The following ITGB3 variants were observed in gnomAD, a reference collection of about 807,000 sequenced individuals.
ITGB3 encodes integrin beta-3.
In ITGB3, 48 loss-of-function variants were observed where a neutral mutation model predicts 85.8. That is an observed-to-expected ratio of 0.56 (90% confidence interval 0.44 to 0.71). The LOEUF (loss-of-function observed/expected upper bound fraction) is 0.71, where lower values mean the gene tolerates loss of function less well. Among genes scored for constraint, ITGB3 ranks in the 30% least tolerant of loss-of-function variants. ITGB3 has a pLI of 0.00. For missense variants in ITGB3, 861 were observed against 1,019.1 expected (o/e 0.84, Z 2.11); for synonymous variants, 363 against 395.6 (o/e 0.92, Z 0.98).
In ITGB3 at chr17:47,286,440, G is replaced by A; in HGVS notation, c.777+18G>A. 3 of 1,613,958 alleles carry A rather than the reference G, an allele frequency of 1.9e-6. No individual in the cohort carries two copies. Among genetic ancestry groups the A allele is most frequent in the Non-Finnish European group, 1.7e-6 (2 of 1,179,892 alleles). On this transcript the variant is annotated intron_variant, in intron 5 of 14. Coordinates refer to ENST00000559488, the MANE Select transcript of ITGB3 (RefSeq NM_000212.3). ...TCTGTGATGTGAGTTTGGAGGACTT[G>A]GAGTGCCAGGTGTGGCTGGCATAGA...
chr17:47,288,024 G>A (rs1598691930), intron 6 of ITGB3, among the ~76,000 whole-genome samples: 4 of 125,208 alleles, frequency 3.2e-5, no homozygotes, highest in African/African-American at 1.2e-4. Context: ...TCAGTCTCCT[G>A]AATAGCTGGG....
chr17:47,254,090 G>A (rs956008632), intron 1 of ITGB3, 150 bp downstream of exon 1: 4 of 463,202 alleles, frequency 8.6e-6, no homozygotes, highest in Non-Finnish European at 1.0e-5. Flanking sequence ...GTCGGAGCCG[G>A]GAGCTGGGGA....
At chr17:47,259,659 G>A (rs1204158898) in intron 1 of ITGB3, among the ~76,000 whole-genome samples, 1 of 152,144 alleles carries the variant, frequency 6.6e-6, no homozygotes, top group Non-Finnish European at 1.5e-5. Flanking sequence ...CAGCACTTTG[G>A]GAGGCCGAGG....
chr17:47,256,334 G>T (rs1399590650), intron 1 of ITGB3, among the ~76,000 whole-genome samples: 4 of 152,100 alleles, frequency 2.6e-5, no homozygotes, highest in Non-Finnish European at 5.9e-5. Flanking sequence ...TAGGCGATCT[G>T]TTCACAGATT....
At chr17:47,277,977 G>A (rs1017384877) in intron 2 of ITGB3, among the ~76,000 whole-genome samples, 1 of 152,166 alleles carries the variant, frequency 6.6e-6, no homozygotes, top group African/African-American at 2.4e-5. Flanking sequence ...TTCATCTTGA[G>A]AGTTTTGCTC....
chr17:47,298,942 T>G lies in ITGB3; in HGVS notation c.1691-366T>G, dbSNP rs528664579. Among the ~76,000 whole-genome samples the G allele has an allele frequency of 9.2e-5, 14 of 152,338 alleles. No homozygotes were observed. The South Asian group carries it at 2.7e-3, about 29-fold the overall frequency. On this transcript the variant is annotated intron_variant, in intron 10 of 14. Coordinates refer to ENST00000559488, the MANE Select transcript of ITGB3 (RefSeq NM_000212.3). ...GCCAAACTAGAAGGGCTAAAGAGCT[T>G]GCTTCTAGTTCTTAGACTAGAAGGA...
At position 47,291,035 on chromosome 17, in the gene ITGB3, A is replaced by T; in HGVS notation, c.1207A>T (p.Asn403Tyr). Residue 403 changes from asparagine (N) to tyrosine (Y), a missense_variant, in exon 9 of 15, where the codon AAT becomes TAT. Physicochemically the swap from Asn to Tyr is moderately radical, Grantham distance 143. Coordinates refer to ENST00000559488, the MANE Select transcript of ITGB3 (RefSeq NM_000212.3). ...ATCCTTCAATGCCACCTGCCTCAACAATGAGGTCATCCCTGGCCTCAAGTC... is the reference window on the plus strand; with the variant it reads ...ATCCTTCAATGCCACCTGCCTCAACTATGAGGTCATCCCTGGCCTCAAGTC... ...SLSFNATCLN[N>Y]EVIPGLKSCM... 1 of 1,614,088 alleles carries T rather than the reference A, an allele frequency of 6.2e-7. No homozygotes were observed. The highest frequency in any genetic ancestry group is 1.7e-5 in the Admixed American group (1 of 60,024).
At chr17:47,267,560 G>C (rs957621843) in intron 1 of ITGB3, among the ~76,000 whole-genome samples, 2 of 152,118 alleles carry the variant, frequency 1.3e-5, no homozygotes, top group African/African-American at 4.8e-5. Flanking sequence ...GGGTATCATG[G>C]GGGGTTCATT....
intron 1 of ITGB3, among the ~76,000 whole-genome samples, chr17:47,263,058 G>C (rs1247088206): frequency 6.6e-6 from 1 of 152,222 alleles, no homozygotes; most frequent in East Asian, 1.9e-4. Context: ...GGGCCTTGGA[G>C]AGAGCACCAG....
At chr17:47,260,001 T>G (rs1391273381) in intron 1 of ITGB3, among the ~76,000 whole-genome samples, 4 of 152,248 alleles carry the variant, frequency 2.6e-5, no homozygotes, top group Non-Finnish European at 5.9e-5. Flanking sequence ...CTTCTAATTC[T>G]ATTCCCCTAT....
intron 1 of ITGB3, 111 bp from the exon 2 acceptor site, chr17:47,274,308 G>T (rs1598684741): frequency 2.3e-6 from 2 of 865,626 alleles, no homozygotes; most frequent in African/African-American, 1.6e-5. Flanking sequence ...GTGTGTTTGT[G>T]TGCACCTGAG....
intron 1 of ITGB3, among the ~76,000 whole-genome samples, chr17:47,254,972 T>TTAC (rs757217664): frequency 1.3e-4 from 12 of 91,690 alleles, no homozygotes; most frequent in Non-Finnish European, 1.9e-4. Flanking sequence ...TATTTTATTA[T>TTAC]TTATTTATTT....
chr17:47,310,324 T>C lies in ITGB3; in HGVS notation c.*120T>C, dbSNP rs2065208816. ...GATTTGGGGCTCAGAGTGGGGTAGGTTGGGAGAATGTCAGTATGTGGAAGT... is the reference window on the plus strand; with the variant it reads ...GATTTGGGGCTCAGAGTGGGGTAGGCTGGGAGAATGTCAGTATGTGGAAGT... On this transcript the variant is annotated 3_prime_UTR_variant, in exon 15 of 15. Coordinates refer to ENST00000559488, the MANE Select transcript of ITGB3 (RefSeq NM_000212.3). 4 of 921,212 alleles carry C rather than the reference T, an allele frequency of 4.3e-6. No individual in the cohort carries two copies. Among genetic ancestry groups the C allele is most frequent in the South Asian group, 4.1e-5 (3 of 72,550 alleles). The allele number at this position is 921,212 out of a possible 1,614,324, so 57.1% of individuals were successfully genotyped here.
chr17:47,308,397 C>T (rs1431987748), intron 14 of ITGB3, among the ~76,000 whole-genome samples: 2 of 152,026 alleles, frequency 1.3e-5, no homozygotes, highest in Non-Finnish European at 2.9e-5. Context: ...AAGTTTGTTC[C>T]CATTTGATGT....
chr17:47,306,529 C>T (rs111558915), intron 13 of ITGB3, among the ~76,000 whole-genome samples: 2,338 of 152,212 alleles, frequency 0.015, 52 homozygotes, highest in African/African-American at 0.054. Flanking sequence ...CCTCCTGCCT[C>T]GGCCTCCCAA....
chr17:47,256,266 G>C (rs754891812), intron 1 of ITGB3, among the ~76,000 whole-genome samples: 1 of 152,014 alleles, frequency 6.6e-6, no homozygotes, highest in Non-Finnish European at 1.5e-5. Flanking sequence ...AGGAGTTCGA[G>C]ACCAGCTTGG....
intron 9 of ITGB3, among the ~76,000 whole-genome samples, chr17:47,291,676 A>C (rs941427315): frequency 6.6e-6 from 1 of 152,222 alleles, no homozygotes; most frequent in African/African-American, 2.4e-5. Context: ...TTGTCCTGAA[A>C]CATGCTTTAT....
chr17:47,259,394 C>T (rs1261191111), intron 1 of ITGB3: 1 of 151,528 alleles, frequency 6.6e-6, no homozygotes, highest in Admixed American at 6.6e-5. Flanking sequence ...GCTTGCTAGA[C>T]AAATTCTAAC....
Position 47,292,233 on chromosome 17 carries a change from T to A in ITGB3, c.1355T>A (p.Ile452Asn). 6.2e-7 allele frequency: 1 copy of A among 1,614,214 alleles called. No homozygotes were observed. Among genetic ancestry groups the A allele is most frequent in the Non-Finnish European group, 8.5e-7 (1 of 1,180,030 alleles). ...IKPVGFKDSL[I>N]VQVTFDCDCA... ...CCCGTGGGCTTCAAGGACAGCCTGA[T>A]CGTCCAGGTCACCTTTGATTGTGAC... is the stretch of plus-strand genomic sequence containing the variant. The change falls in exon 10 of 15, where the codon ATC (isoleucine) becomes AAC (asparagine). Residue 452 changes from isoleucine to asparagine, a missense_variant. Ile to Asn is a moderately radical substitution (Grantham distance 149). Coordinates refer to ENST00000559488, the MANE Select transcript of ITGB3 (RefSeq NM_000212.3).
Sources: allele counts gnomAD v4.1 joint callset (sites outside exome capture counted in the v4.1 genomes callset), GRCh38; gene constraint gnomAD v4.1.1; transcripts MANE v1.5; gene names NCBI Gene and HGNC (gene_info 2026-07-23, HGNC 2026-07-21).